Variants in EDDM13 observed in about 807,000 individuals in gnomAD.
EDDM13 encodes epididymal protein 13.
EDDM13 carries 24 observed loss-of-function variants against 17.8 expected under a neutral mutation model. The ratio of observed to expected loss-of-function variants is 1.35; its 90% confidence interval spans 0.98 to 1.90. The LOEUF is 1.90. Among genes scored for constraint, EDDM13 ranks in the 40% most tolerant of loss-of-function variants. EDDM13 has a pLI of 0.00. For synonymous variants in EDDM13, 31 were observed against 37.5 expected (o/e 0.83, Z 0.63); for missense variants, 97 against 100.8 (o/e 0.96, Z 0.16).
At chr19:56,300,194 C>T (rs2040136347) in intron 12 of EDDM13, among the ~76,000 whole-genome samples, 1 of 151,844 alleles carries the variant, frequency 6.6e-6, no homozygotes, top group Non-Finnish European at 1.5e-5. Flanking sequence ...AGCATTAAAC[C>T]AGAACATGAT....
In EDDM13 at chr19:56,281,683, C is replaced by A. The variant is rs2038717123; in HGVS notation, c.104-10C>A. On this transcript the variant is annotated splice_polypyrimidine_tract_variant and intron_variant, in intron 2 of 14. Coordinates refer to ENST00000649256, the MANE Select transcript of EDDM13 (RefSeq NM_001354658.2). ...GATTCACTGGCTCCTGGCTCTGCTG[C>A]CCCTTCCAGTCAACTGTAAGTCATA... 1.0e-6 allele frequency: 1 copy of A among 985,180 alleles called. No individual in the cohort carries two copies. The highest frequency in any genetic ancestry group is 1.7e-5 in the African/African-American group (1 of 57,218). 61.0% of individuals were successfully genotyped at this position (985,180 alleles called of 1,614,324 possible).
intron 8 of EDDM13, among the ~76,000 whole-genome samples, 106 bp from the exon 9 acceptor site, chr19:56,290,735 A>C (rs1316726719): frequency 6.6e-6 from 1 of 152,174 alleles, no homozygotes; most frequent in Non-Finnish European, 1.5e-5. Flanking sequence ...TAGTTTTACG[A>C]TATTGAATGG....
At chr19:56,291,051 T>C (rs1313621712) in intron 9 of EDDM13, among the ~76,000 whole-genome samples, 1 of 152,032 alleles carries the variant, frequency 6.6e-6, no homozygotes, top group Non-Finnish European at 1.5e-5. Flanking sequence ...GCCGTGAGGG[T>C]GTGTCTGGGA....
chr19:56,292,545 C>T (rs2039588449), intron 9 of EDDM13, among the ~76,000 whole-genome samples: 1 of 151,200 alleles, frequency 6.6e-6, no homozygotes, highest in Non-Finnish European at 1.5e-5. Flanking sequence ...ACCTCAGCCT[C>T]CCAAAGCACT....
intron 13 of EDDM13, chr19:56,303,106 A>G (rs2040454471): frequency 2.6e-6 from 1 of 381,528 alleles, no homozygotes; most frequent in Non-Finnish European, 4.6e-6. Flanking sequence ...TAGCCAATTG[A>G]GGAGGGGAAG....
chr19:56,285,536 G>A (rs138977638), intron 6 of EDDM13, among the ~76,000 whole-genome samples: 6 of 151,982 alleles, frequency 3.9e-5, no homozygotes, highest in African/African-American at 9.7e-5. Flanking sequence ...TGTACATTTA[G>A]TTTTTTTTCT....
chr19:56,285,025 G>T lies in EDDM13; in HGVS notation c.154+1G>T. 3 of 985,274 alleles carry T rather than the reference G, an allele frequency of 3.0e-6. No homozygotes were observed. Among genetic ancestry groups the T allele is most frequent in the Non-Finnish European group, 3.6e-6 (3 of 829,816 alleles). The allele number at this position is 985,274 out of a possible 1,614,324, so 61.0% of individuals were successfully genotyped here. A position where few individuals can be genotyped will look rare whatever the true frequency, so the allele number is the denominator to read the frequency against. On this transcript the variant is annotated splice_donor_variant, in intron 6 of 14. Transcript: ENST00000649256. LOFTEE classifies it high-confidence loss of function. ...CTCATGAGCAGACTGTCACCGGATG[G>T]TAAGTGTCAGGATTGTATCTTTTAA...
At chr19:56,303,684 C>CA (rs927069374) in intron 13 of EDDM13, among the ~76,000 whole-genome samples, 28 of 152,168 alleles carry the variant, frequency 1.8e-4, no homozygotes, top group African/African-American at 6.5e-4. Context: ...CTTGAGTCCC[C>CA]AGGGCTCCCA....
In EDDM13 at chr19:56,285,028, A is replaced by G. The variant is rs1187751483; in HGVS notation, c.154+4A>G. ...ATGAGCAGACTGTCACCGGATGGTA[A>G]GTGTCAGGATTGTATCTTTTAAACC... On this transcript the variant is annotated splice_donor_region_variant and intron_variant, in intron 6 of 14. Transcript: ENST00000649256. 1.0e-6 allele frequency: 1 copy of G among 985,136 alleles called. No homozygotes were observed. Among genetic ancestry groups the G allele is most frequent in the Non-Finnish European group, 1.2e-6 (1 of 829,806 alleles). The allele number at this position is 985,136 out of a possible 1,614,324, so 61.0% of individuals were successfully genotyped here.
intron 6 of EDDM13, among the ~76,000 whole-genome samples, chr19:56,286,045 G>A (rs1023916271): frequency 6.6e-5 from 10 of 152,000 alleles, no homozygotes; most frequent in Admixed American, 2.0e-4. Flanking sequence ...ATTTAGAGAC[G>A]GAGTCTCGCT....
intron 2 of EDDM13, among the ~76,000 whole-genome samples, chr19:56,279,103 G>A (rs1289987257): frequency 6.6e-6 from 1 of 152,186 alleles, no homozygotes; most frequent in Non-Finnish European, 1.5e-5. Context: ...AGTGCCTACT[G>A]AAGCATTGAG....
chr19:56,295,907 CT>C (rs2039841550), intron 9 of EDDM13, 51 bp from the exon 10 acceptor site: 1 of 153,172 alleles, frequency 6.5e-6, no homozygotes, highest in African/African-American at 2.4e-5. Context: ...GTCTGCTCCC[CT>C]GACCTGTCTT....
chr19:56,292,919 A>C (rs945731999), intron 9 of EDDM13, among the ~76,000 whole-genome samples: 1 of 152,228 alleles, frequency 6.6e-6, no homozygotes, highest in African/African-American at 2.4e-5. Flanking sequence ...ATGGCTGAGC[A>C]ATACTCCATT....
intron 6 of EDDM13, chr19:56,286,298 G>A (rs1314546924): frequency 6.6e-6 from 1 of 152,166 alleles, no homozygotes; most frequent in African/African-American, 2.4e-5. Context: ...GGAATTACAG[G>A]TGTGAGCCCC....
intron 9 of EDDM13, among the ~76,000 whole-genome samples, chr19:56,292,066 T>C (rs781040933): frequency 4.6e-5 from 7 of 152,114 alleles, no homozygotes; most frequent in Non-Finnish European, 7.4e-5. Context: ...GACGGTGGGT[T>C]ACGGATCCTG....
At chr19:56,298,465 G>A (rs574607651) in intron 12 of EDDM13, among the ~76,000 whole-genome samples, 30 of 151,882 alleles carry the variant, frequency 2.0e-4, no homozygotes, top group Non-Finnish European at 3.5e-4. Context: ...ATGAAACCCC[G>A]TCTGGTGAAA....
chr19:56,277,508 T>C (rs2038353210), intron 2 of EDDM13, among the ~76,000 whole-genome samples: 1 of 147,930 alleles, frequency 6.8e-6, no homozygotes, highest in African/African-American at 2.5e-5. Context: ...AGAGACACAA[T>C]GGACATTAGT....
chr19:56,301,112 T>A (rs910137905), intron 12 of EDDM13, among the ~76,000 whole-genome samples: 5 of 152,112 alleles, frequency 3.3e-5, no homozygotes, highest in African/African-American at 1.2e-4. Context: ...TTCTTGAATC[T>A]CGTGCAAGAA....
At chr19:56,289,870 T>A (rs10402940) in intron 8 of EDDM13, among the ~76,000 whole-genome samples, 2,003 of 152,306 alleles carry the variant, frequency 0.013, 53 homozygotes, top group African/African-American at 0.045. Flanking sequence ...CATCTCAGCC[T>A]GCCAAAGTGC....
Sources: gnomAD v4.1 joint callset for allele counts (sites outside exome capture counted in the v4.1 genomes callset) on GRCh38, gnomAD v4.1.1 for gene constraint, MANE v1.5 for transcripts, NCBI Gene and HGNC (gene_info 2026-07-23, HGNC 2026-07-21) for gene names.